CSMD1: variants seen among roughly 807,000 people sequenced by gnomAD.
CSMD1 encodes the protein CUB and Sushi multiple domains 1, also known as CUB and sushi domain-containing protein 1.
CSMD1 carries 213 observed loss-of-function variants against 417.5 expected under a neutral mutation model. The observed-to-expected ratio is 0.51, with a 90% CI of 0.46 to 0.57. CSMD1 has a LOEUF of 0.57. Among genes scored for constraint, CSMD1 ranks in the 20% least tolerant of loss-of-function variants. The probability of loss-of-function intolerance (pLI) is 0.00; values close to 1 mark genes in which losing one functional copy is unlikely to be tolerated. For synonymous variants in CSMD1, 2,862 were observed against 1,736.8 expected (o/e 1.65, Z -16.11); for missense variants, 6,923 against 4,529.7 (o/e 1.53, Z -15.17).
At chr8:4,127,861 A>T (rs1802858487) in intron 3 of CSMD1, among the ~76,000 whole-genome samples, 1 of 152,162 alleles carries the variant, frequency 6.6e-6, no homozygotes, top group Admixed American at 6.5e-5. Context: ...CAGATGAAGA[A>T]ACCCAGACAC....
intron 5 of CSMD1, among the ~76,000 whole-genome samples, chr8:3,798,811 G>C (rs192460867): frequency 2.0e-5 from 3 of 150,920 alleles, no homozygotes; most frequent in Non-Finnish European, 2.9e-5. Flanking sequence ...TTATAAATTC[G>C]TGTTGGTTGA....
chr8:3,718,166 C>T (rs1224504161), intron 6 of CSMD1, among the ~76,000 whole-genome samples: 1 of 152,174 alleles, frequency 6.6e-6, no homozygotes, highest in Non-Finnish European at 1.5e-5. Context: ...ATGGTCTGTA[C>T]ATTACGAGAA....
Position 4,224,054 on chromosome 8 carries a change from T to C in CSMD1, c.416-191955A>G, listed in dbSNP as rs148290895. ...TTAACAAAACATGCATACGTAACCC[T>C]ACTCAAACAGGGCTAAAGGCTGATG... On this transcript the variant is annotated intron_variant, in intron 3 of 69. Transcript: ENST00000635120. Among the ~76,000 whole-genome samples, 182 of 152,226 alleles carry C rather than the reference T, an allele frequency of 1.2e-3. 1 individual carries two copies. Among genetic ancestry groups the C allele is most frequent in the African/African-American group, 4.0e-3 (167 of 41,532 alleles).
At chr8:3,975,124 A>C (rs920629945) in intron 5 of CSMD1, among the ~76,000 whole-genome samples, 1 of 152,298 alleles carries the variant, frequency 6.6e-6, no homozygotes, top group South Asian at 2.1e-4. Flanking sequence ...ACCACTATGC[A>C]TGTTTCCATG....
intron 50 of CSMD1, among the ~76,000 whole-genome samples, chr8:3,039,435 CCCT>C (rs775710620): frequency 5.4e-5 from 8 of 147,404 alleles, no homozygotes; most frequent in South Asian, 2.2e-4. Flanking sequence ...CTTCCTTCCT[CCCT>C]CCTTTCTTCC....
intron 2 of CSMD1, among the ~76,000 whole-genome samples, chr8:4,586,840 C>A (rs956920380): frequency 3.3e-5 from 5 of 152,168 alleles, no homozygotes; most frequent in African/African-American, 1.2e-4. Context: ...ACAGTAGGAT[C>A]ATGGCAGGTG....
chr8:3,686,423 G>C (rs1301369320), intron 7 of CSMD1, among the ~76,000 whole-genome samples: 2 of 152,058 alleles, frequency 1.3e-5, no homozygotes, highest in East Asian at 3.9e-4. Context: ...TTCTCTATTT[G>C]CTGGTGGATG....
intron 3 of CSMD1, among the ~76,000 whole-genome samples, chr8:4,402,793 CTTTTTTCTTTTTTTTTTTTTT>C (rs753019187): frequency 0.051 from 6,746 of 132,982 alleles, 315 homozygotes; most frequent in African/African-American, 0.13. Flanking sequence ...AATGTCCTCA[CTTTTTTCTTTTTTTTTTTTTT>C]TTTTTTCTTT....
chr8:3,707,460 T>A (rs192480357), intron 7 of CSMD1, among the ~76,000 whole-genome samples: 4 of 152,020 alleles, frequency 2.6e-5, no homozygotes, highest in Admixed American at 1.3e-4. Flanking sequence ...CAGGGAAGCA[T>A]AGAAAACACA....
At chr8:3,089,700 T>A (rs909053067) in intron 48 of CSMD1, among the ~76,000 whole-genome samples, 1 of 152,140 alleles carries the variant, frequency 6.6e-6, no homozygotes, top group South Asian at 2.1e-4. Context: ...GTGAGATAGA[T>A]AAAGAATTTT....
At chr8:4,657,233 A>G (rs551208362) in intron 1 of CSMD1, among the ~76,000 whole-genome samples, 1 of 152,322 alleles carries the variant, frequency 6.6e-6, no homozygotes, top group South Asian at 2.1e-4. Flanking sequence ...CTGGTTGAGC[A>G]GTAGTTTCAG....
At chr8:3,229,464 G>A (rs2044108) in intron 27 of CSMD1, among the ~76,000 whole-genome samples, 9,706 of 152,092 alleles carry the variant, frequency 0.064, 426 homozygotes, top group Non-Finnish European at 0.093. Context: ...TGTCTCAGGT[G>A]GCTATTCAAG....
intron 26 of CSMD1, among the ~76,000 whole-genome samples, chr8:3,254,174 C>G (rs930978264): frequency 6.6e-6 from 1 of 152,142 alleles, no homozygotes; most frequent in African/African-American, 2.4e-5. Context: ...GTTGAAAGTT[C>G]TTTTCTTTAA....
intron 5 of CSMD1, among the ~76,000 whole-genome samples, chr8:3,800,148 A>T (rs1416049202): frequency 6.6e-6 from 1 of 152,154 alleles, no homozygotes; most frequent in Non-Finnish European, 1.5e-5. Context: ...AGTTGTTTCC[A>T]TGTGGAAAAA....
chr8:3,497,372 T>C (rs1363129597), intron 10 of CSMD1, among the ~76,000 whole-genome samples: 1 of 152,040 alleles, frequency 6.6e-6, no homozygotes, highest in Non-Finnish European at 1.5e-5. Context: ...ATTTTTGTCT[T>C]TGTCTCATTT....
chr8:4,698,080 A>G (rs953312523), intron 1 of CSMD1, among the ~76,000 whole-genome samples: 11 of 151,980 alleles, frequency 7.2e-5, no homozygotes, highest in African/African-American at 2.7e-4. Context: ...GTTCCCAAAC[A>G]TGTCAAATAT....
At chr8:3,718,057 T>C (rs562126025) in intron 6 of CSMD1, among the ~76,000 whole-genome samples, 3 of 152,312 alleles carry the variant, frequency 2.0e-5, no homozygotes, top group East Asian at 1.9e-4. Context: ...AAAGAAAATG[T>C]TCAGTAATTT....
intron 2 of CSMD1, among the ~76,000 whole-genome samples, chr8:4,436,816 A>T (rs1798174461): frequency 6.6e-6 from 1 of 152,212 alleles, no homozygotes; most frequent in Admixed American, 6.5e-5. Flanking sequence ...AATGATCTCC[A>T]GCTCTAGCCA....
intron 2 of CSMD1, among the ~76,000 whole-genome samples, chr8:4,583,814 C>A (rs530844841): frequency 6.6e-6 from 1 of 152,258 alleles, no homozygotes; most frequent in South Asian, 2.1e-4. Context: ...CTGCCCCAGC[C>A]AGCAGTGGCA....
Sources: allele counts gnomAD v4.1 joint callset (sites outside exome capture counted in the v4.1 genomes callset), GRCh38; gene constraint gnomAD v4.1.1; transcripts MANE v1.5; gene names NCBI Gene and HGNC (gene_info 2026-07-23, HGNC 2026-07-21).